Variants in PIGR observed in about 807,000 individuals in gnomAD.
PIGR encodes hepatocellular carcinoma associated protein TB6.
Under a neutral mutation model 69.5 loss-of-function variants are expected in PIGR, and 22 were observed. The observed-to-expected ratio is 0.32, with a 90% CI of 0.23 to 0.45. The LOEUF is 0.45. Ranked by LOEUF, PIGR falls within the 20% of genes least tolerant of loss-of-function variation. The pLI is 1.00. For missense variants in PIGR, 885 were observed against 974.0 expected (o/e 0.91, Z 1.22); for synonymous variants, 413 against 407.6 (o/e 1.01, Z -0.16).
In PIGR at chr1:206,934,704, A is replaced by C; in HGVS notation, c.1421T>G (p.Leu474Arg). Residue 474 changes from leucine to arginine, a missense_variant, in exon 6 of 11, where the codon CTG becomes CGG. Leu to Arg is a moderately radical substitution (Grantham distance 102, BLOSUM62 -2). Transcript: ENST00000356495. ...ACAGGGGACCTTGAGAGTCTCTCCC[A>C]GCACAGCCGTGACATTCCCTGGTAC... ...LKVPGNVTAV[L>R]GETLKVPCHF... 1 of 1,611,726 alleles carries C rather than the reference A, an allele frequency of 6.2e-7. No homozygotes were observed. Among genetic ancestry groups the C allele is most frequent in the Non-Finnish European group, 8.5e-7 (1 of 1,180,010 alleles).
At position 206,935,464 on chromosome 1, in the gene PIGR, C is replaced by T; in HGVS notation, c.1378+22G>A. ...CTGGCTGGAGAGGTTTTAGAGCTTT[C>T]TCCCTCCCTGTCAACTCCTACCTTC... On this transcript the variant is annotated intron_variant, in intron 5 of 10. Coordinates refer to ENST00000356495, the MANE Select transcript of PIGR (RefSeq NM_002644.4). This position sits in a 1 kb window ranked among gnomAD's most constrained non-coding sequence, Gnocchi z 4.4. 1.3e-6 allele frequency: 2 copies of T among 1,584,324 alleles called. No homozygotes were observed. The highest frequency in any genetic ancestry group is 1.7e-6 in the Non-Finnish European group (2 of 1,158,112).
In PIGR at chr1:206,935,157, T is replaced by TCTTC. The variant is rs1419179104; in HGVS notation, c.1378+325_1378+328dup. ...TCCAGAGTCTACCATAGACCATAGA[T>TCTTC]CTTCACACATGGACTTCAGTTTGCT... is the stretch of plus-strand genomic sequence containing the variant. On this transcript the variant is annotated intron_variant, in intron 5 of 10. Transcript: ENST00000356495. This position sits in a 1 kb window ranked among gnomAD's most constrained non-coding sequence, Gnocchi z 4.4. 6.6e-6 allele frequency among the ~76,000 whole-genome samples: 1 copy of TCTTC among 152,186 alleles called. No homozygotes were observed. The highest frequency in any genetic ancestry group is 2.4e-5 in the African/African-American group (1 of 41,422).
intron 1 of PIGR, among the ~76,000 whole-genome samples, chr1:206,943,627 C>A (rs1442242847): frequency 3.3e-5 from 5 of 152,200 alleles, no homozygotes; most frequent in Non-Finnish European, 5.9e-5. Flanking sequence ...AGTGACTGCA[C>A]TTCATCTCTC....
chr1:206,935,747 A>G lies in PIGR; in HGVS notation c.1117T>C (p.Tyr373His), dbSNP rs1163145047. 1 of 1,613,868 alleles carries G rather than the reference A, an allele frequency of 6.2e-7. No individual in the cohort carries two copies. Among genetic ancestry groups the G allele is most frequent in the Non-Finnish European group, 8.5e-7 (1 of 1,179,938 alleles). ...ATGCTTTTGCTTTCCTTACGGTTGT[A>G]GGGGCAGAGCACGGCCACAGAGCCT... ...AGGSVAVLCP[Y>H]NRKESKSIKY... Residue 373 changes from tyrosine to histidine, a missense_variant, in exon 5 of 11, where the codon TAC becomes CAC. Transcript: ENST00000356495. The surrounding 1 kb of genome is among the most constrained non-coding windows in gnomAD (Gnocchi z 4.4).
In PIGR at chr1:206,937,724, A is replaced by T; in HGVS notation, c.416T>A (p.Val139Asp). Residue 139 changes from valine (V) to aspartate (D), a missense_variant, in exon 4 of 11, where the codon GTC becomes GAC. Coordinates refer to ENST00000356495, the MANE Select transcript of PIGR (RefSeq NM_002644.4). ...CGTTCTGCCCAGGTCCACTGTGTAGACTTTAGTGTCATTTAGGAGCCCAGG... is the reference window on the plus strand; with the variant it reads ...CGTTCTGCCCAGGTCCACTGTGTAGTCTTTAGTGTCATTTAGGAGCCCAGG... ...QGPGLLNDTK[V>D]YTVDLGRTVT... 1 of 1,613,960 alleles carries T rather than the reference A, an allele frequency of 6.2e-7. No individual in the cohort carries two copies. The highest frequency in any genetic ancestry group is 8.5e-7 in the Non-Finnish European group (1 of 1,179,978).
chr1:206,930,348 G>A lies in PIGR; in HGVS notation c.2265C>T (p.Ala755=), dbSNP rs926730179. 4 of 1,611,710 alleles carry A rather than the reference G, an allele frequency of 2.5e-6. No homozygotes were observed. Among genetic ancestry groups the A allele is most frequent in the Admixed American group, 1.7e-5 (1 of 59,790 alleles). ...CTTCCTGGGGGCCGTCCTGGGCCTC[G>A]GCGGCCACGGTGCTGGACTGGAGCA... ...DFLLQSSTVA[A]EAQDGPQEA Residue 755 remains alanine (A), a synonymous_variant, in exon 11 of 11, where the codon GCC becomes GCT. Transcript: ENST00000356495. The surrounding 1 kb of genome is among the most constrained non-coding windows in gnomAD (Gnocchi z 4.3).
At chr1:206,931,470 T>C (rs1679747390) in intron 10 of PIGR, 27 bp downstream of exon 10, 2 of 1,613,968 alleles carry the variant, frequency 1.2e-6, no homozygotes, top group Non-Finnish European at 1.7e-6. Flanking sequence ...CTTTGTCATG[T>C]AGTGGGGCTT....
chr1:206,932,940 G>T, intron 7 of PIGR, 46 bp downstream of exon 7: 1 of 1,592,046 alleles, frequency 6.3e-7, no homozygotes, highest in South Asian at 1.1e-5. Context: ...TCAGGTGCTC[G>T]GCTCTGGGGT....
intron 2 of PIGR, 65 bp from the exon 3 acceptor site, chr1:206,939,528 CA>C: frequency 8.7e-7 from 1 of 1,147,218 alleles, no homozygotes; most frequent in Admixed American, 2.0e-5. Flanking sequence ...CCAGATAACC[CA>C]CTATGAGTAG....
intron 2 of PIGR, among the ~76,000 whole-genome samples, 178 bp from the exon 3 acceptor site, chr1:206,939,641 A>C (rs1450559393): frequency 6.6e-6 from 1 of 152,236 alleles, no homozygotes. Flanking sequence ...TTTAATCATG[A>C]TTAAATTGGA....
intron 4 of PIGR, 91 bp downstream of exon 4, chr1:206,937,004 G>A: frequency 8.4e-7 from 1 of 1,187,032 alleles, no homozygotes; most frequent in South Asian, 1.6e-5. Context: ...GCTGATTGAT[G>A]ACTATTGATG....
At position 206,930,204 on chromosome 1, in the gene PIGR, A is replaced by ACACCT; in HGVS notation, c.*113_*114insAGGTG. On this transcript the variant is annotated 3_prime_UTR_variant, in exon 11 of 11. Transcript: ENST00000356495. This position sits in a 1 kb window ranked among gnomAD's most constrained non-coding sequence, Gnocchi z 4.3. Reference sequence around the variant, plus strand: ...AGCACGCCTCTGAGGACAGTAGGAAAAACCTAGGCAGGTGTTAGAGCAGGG... The same window carrying ACACCT: ...AGCACGCCTCTGAGGACAGTAGGAAACACCTAACCTAGGCAGGTGTTAGAGCAGGG... 1 of 836,074 alleles carries ACACCT rather than the reference A, an allele frequency of 1.2e-6. No individual in the cohort carries two copies. Among genetic ancestry groups the ACACCT allele is most frequent in the Non-Finnish European group, 1.8e-6 (1 of 555,674 alleles). 51.8% of individuals were successfully genotyped at this position (836,074 alleles called of 1,614,324 possible). A position where few individuals can be genotyped will look rare whatever the true frequency, so the allele number is the denominator to read the frequency against.
At chr1:206,945,049 G>A (rs1680077405) in intron 1 of PIGR, among the ~76,000 whole-genome samples, 1 of 152,188 alleles carries the variant, frequency 6.6e-6, no homozygotes, top group Non-Finnish European at 1.5e-5. Context: ...AAGCCACAGA[G>A]GTCTAGCGGC....
rs1679938938 is a variant in PIGR at position 206,939,480 on chromosome 1, G to C, written c.44-17C>G. ...TGGAGATGGCTGTGGGAACAGAAGA[G>C]AGAGGCTTTCTGAGGCCCTTGGGAG... On this transcript the variant is annotated splice_polypyrimidine_tract_variant and intron_variant, in intron 2 of 10. Coordinates refer to ENST00000356495, the MANE Select transcript of PIGR (RefSeq NM_002644.4). 2 of 1,563,648 alleles carry C rather than the reference G, an allele frequency of 1.3e-6. No individual in the cohort carries two copies. Among genetic ancestry groups the C allele is most frequent in the Non-Finnish European group, 8.7e-7 (1 of 1,144,944 alleles).
Position 206,940,514 on chromosome 1 carries a change from G to A in PIGR, c.18C>T (p.Leu6=). The A allele has an allele frequency of 6.4e-7, 1 of 1,551,544 alleles. No homozygotes were observed. The highest frequency in any genetic ancestry group is 8.7e-7 in the Non-Finnish European group (1 of 1,146,944). The change falls in exon 2 of 11, where the codon CTC becomes CTT. Residue 6 remains leucine, a synonymous_variant. Transcript: ENST00000356495. ...CTGGGAAGACCGCCAGCAGGCAGGT[G>A]AGCACGAAGAGCAGCATTGCTGGTG... MLLFV[L]TCLLAVFPAI... is the part of the protein sequence containing the mutation.
At chr1:206,931,826 G>T (rs746727310) in intron 8 of PIGR, 24 bp from the exon 9 acceptor site, 2 of 1,613,866 alleles carry the variant, frequency 1.2e-6, no homozygotes, top group Non-Finnish European at 1.7e-6. Context: ...AGAGGAGTTG[G>T]TGTAAGGACA....
intron 2 of PIGR, 131 bp downstream of exon 2, chr1:206,940,358 C>T: frequency 1.2e-6 from 1 of 809,812 alleles, no homozygotes; most frequent in South Asian, 1.8e-5. Context: ...GACTCTTCCT[C>T]AAGGAAGTGC....
In PIGR at chr1:206,939,128, C is replaced by T. The variant is rs1572646787; in HGVS notation, c.379G>A (p.Val127Ile). 1 of 1,607,550 alleles carries T rather than the reference C, an allele frequency of 6.2e-7. No individual in the cohort carries two copies. Among genetic ancestry groups the T allele is most frequent in the Non-Finnish European group, 8.5e-7 (1 of 1,174,860 alleles). ...RGLSFDVSLE[V>I]SQGPGLLNDT... ...GAGCTTGGATCCTTACCCTGGCTGACCTCCAGGCTGACATCAAAGGACAGG... is the reference window on the plus strand; with the variant it reads ...GAGCTTGGATCCTTACCCTGGCTGATCTCCAGGCTGACATCAAAGGACAGG... The change falls in exon 3 of 11, where the codon GTC becomes ATC. Residue 127 changes from valine (V) to isoleucine (I), a missense_variant. Coordinates refer to ENST00000356495, the MANE Select transcript of PIGR (RefSeq NM_002644.4).
intron 8 of PIGR, among the ~76,000 whole-genome samples, chr1:206,932,069 G>T (rs990420147): frequency 6.6e-6 from 1 of 152,092 alleles, no homozygotes; most frequent in Non-Finnish European, 1.5e-5. Flanking sequence ...CATCAGCCCC[G>T]TGAGGTCCTG....
Sources: gnomAD v4.1 joint callset for allele counts (sites outside exome capture counted in the v4.1 genomes callset) on GRCh38, gnomAD v4.1.1 for gene constraint, Gnocchi (gnomAD v3.1) non-coding constraint, MANE v1.5 for transcripts, NCBI Gene and HGNC (gene_info 2026-07-23, HGNC 2026-07-21) for gene names.